CDH13: variants seen among roughly 807,000 people sequenced by gnomAD.
CDH13 encodes cadherin 13, also known as cadherin-13.
In CDH13, 24 loss-of-function variants were observed where a neutral mutation model predicts 63.8. The ratio of observed to expected loss-of-function variants is 0.38; its 90% CI spans 0.27 to 0.53. CDH13 has a LOEUF of 0.53. Among genes scored for constraint, CDH13 ranks in the 20% least tolerant of loss-of-function variants. CDH13 has a pLI of 0.85. For synonymous variants in CDH13, 503 were observed against 355.3 expected, an observed-to-expected ratio of 1.42 and a Z score of -4.67; for missense variants, 1,049 against 903.1, an observed-to-expected ratio of 1.16 and a Z score of -2.07.
chr16:83,142,167 T>G (rs539617441), intron 4 of CDH13, among the ~76,000 whole-genome samples: 283 of 149,208 alleles, frequency 1.9e-3, no homozygotes, highest in African/African-American at 5.4e-3. Context: ...TTTGTTTTTT[T>G]TTTTTTTTTT....
intron 1 of CDH13, chr16:82,639,474 G>C: frequency 2.0e-6 from 3 of 1,510,076 alleles, no homozygotes; most frequent in Non-Finnish European, 2.7e-6. Flanking sequence ...AGGTAAATTT[G>C]CCTGCTGCTG....
intron 1 of CDH13, among the ~76,000 whole-genome samples, chr16:82,731,752 A>G (rs935435146): frequency 6.6e-6 from 1 of 152,256 alleles, no homozygotes; most frequent in African/African-American, 2.4e-5. Flanking sequence ...TACAATTTAC[A>G]ATATAGAAAA....
intron 2 of CDH13, among the ~76,000 whole-genome samples, chr16:82,897,988 C>T (rs957914872): frequency 6.6e-6 from 1 of 152,150 alleles, no homozygotes; most frequent in Non-Finnish European, 1.5e-5. Context: ...CAGTAAGCCA[C>T]GTGGAGCTAT....
At chr16:83,524,817 G>A (rs886457089) in intron 7 of CDH13, among the ~76,000 whole-genome samples, 1 of 152,118 alleles carries the variant, frequency 6.6e-6, no homozygotes, top group South Asian at 2.1e-4. Context: ...AGCACTGAGA[G>A]TGTCAAGTTT....
intron 1 of CDH13, among the ~76,000 whole-genome samples, chr16:82,798,840 G>T (rs2036712460): frequency 6.6e-6 from 1 of 152,146 alleles, no homozygotes; most frequent in African/African-American, 2.4e-5. Context: ...TGGGTTCTGT[G>T]TTGAGTGCTT....
At chr16:83,146,057 T>C (rs574367007) in intron 4 of CDH13, among the ~76,000 whole-genome samples, 59 of 152,082 alleles carry the variant, frequency 3.9e-4, no homozygotes, top group African/African-American at 1.4e-3. Context: ...TAGCCAGACA[T>C]GGTGGCAGCA....
chr16:83,627,471 G>A (rs1910416090), intron 8 of CDH13, among the ~76,000 whole-genome samples: 1 of 152,190 alleles, frequency 6.6e-6, no homozygotes, highest in Non-Finnish European at 1.5e-5. Context: ...AAAACTTTCT[G>A]GGGACTTTTA....
At chr16:83,246,653 T>G (rs7197759) in intron 5 of CDH13, among the ~76,000 whole-genome samples, 27,623 of 152,218 alleles carry the variant, frequency 0.18, 2,694 homozygotes, top group Middle Eastern at 0.26. Context: ...CTTCTGACTG[T>G]CATTGTCATT....
chr16:83,244,814 G>T (rs1344584662), intron 5 of CDH13, among the ~76,000 whole-genome samples: 1 of 152,152 alleles, frequency 6.6e-6, no homozygotes. Flanking sequence ...AGTATAAAAT[G>T]CTGTCTAATG....
At chr16:83,505,121 C>T (rs1012662162) in intron 7 of CDH13, among the ~76,000 whole-genome samples, 2 of 152,142 alleles carry the variant, frequency 1.3e-5, no homozygotes, top group Non-Finnish European at 2.9e-5. Flanking sequence ...TCCTACCCAT[C>T]CTCAAATTCT....
intron 6 of CDH13, among the ~76,000 whole-genome samples, chr16:83,405,770 T>C (rs2092033231): frequency 6.6e-6 from 1 of 152,258 alleles, no homozygotes; most frequent in African/African-American, 2.4e-5. Context: ...CACAGGCATA[T>C]TCCTTTCTCC....
chr16:83,310,221 C>G (rs1480145204), intron 5 of CDH13, among the ~76,000 whole-genome samples: 4 of 152,144 alleles, frequency 2.6e-5, no homozygotes, highest in African/African-American at 9.7e-5. Context: ...CTAGTTATGT[C>G]TGTAATATTC....
chr16:83,115,507 G>A (rs533099274), intron 3 of CDH13, among the ~76,000 whole-genome samples: 1 of 152,308 alleles, frequency 6.6e-6, no homozygotes, highest in African/African-American at 2.4e-5. Context: ...TAACCCTCAG[G>A]TCCTTGAACT....
intron 4 of CDH13, among the ~76,000 whole-genome samples, chr16:83,167,898 G>A (rs189276415): frequency 2.0e-5 from 3 of 152,156 alleles, no homozygotes; most frequent in East Asian, 3.9e-4. Flanking sequence ...AAGCTTTGCA[G>A]CAACATGGAT....
intron 1 of CDH13, among the ~76,000 whole-genome samples, chr16:82,758,987 A>G (rs1321063066): frequency 1.3e-5 from 2 of 152,200 alleles, no homozygotes; most frequent in South Asian, 4.1e-4. Flanking sequence ...TAGTCAAGGT[A>G]GACAGTCTGC....
chr16:82,896,475 T>C (rs2041268857), intron 2 of CDH13, among the ~76,000 whole-genome samples: 2 of 151,592 alleles, frequency 1.3e-5, no homozygotes, highest in African/African-American at 4.8e-5. Context: ...TGTATTTTTT[T>C]TTTAGAGATT....
chr16:82,670,913 C>A (rs1212876156), intron 1 of CDH13, among the ~76,000 whole-genome samples: 1 of 152,186 alleles, frequency 6.6e-6, no homozygotes, highest in Non-Finnish European at 1.5e-5. Context: ...CCTGGAGGTG[C>A]AGTATCACCG....
chr16:83,670,614 T>C (rs1298587393), intron 8 of CDH13, among the ~76,000 whole-genome samples, 176 bp from the exon 9 acceptor site: 1 of 152,216 alleles, frequency 6.6e-6, no homozygotes, highest in Non-Finnish European at 1.5e-5. Context: ...TCTCGTGGCC[T>C]CACCTAAGTT....
chr16:83,235,682 A>G (rs2040124473), intron 5 of CDH13, among the ~76,000 whole-genome samples: 1 of 151,558 alleles, frequency 6.6e-6, no homozygotes, highest in Non-Finnish European at 1.5e-5. Flanking sequence ...GTACCTTAAG[A>G]TCTAGGTAAT....
Sources: allele counts gnomAD v4.1 joint callset (sites outside exome capture counted in the v4.1 genomes callset), GRCh38; gene constraint gnomAD v4.1.1; transcripts MANE v1.5; gene names NCBI Gene and HGNC (gene_info 2026-07-23, HGNC 2026-07-21).